The following PAPPA2 variants were observed in gnomAD, a reference collection of about 807,000 sequenced individuals.
PAPPA2 encodes the protein pappalysin 2.
PAPPA2 carries 86 observed loss-of-function variants against 176.4 expected under a neutral mutation model. The observed-to-expected ratio is 0.49, with a 90% CI of 0.41 to 0.58. PAPPA2 has a LOEUF of 0.58. Ranked by LOEUF, PAPPA2 falls within the 20% of genes least tolerant of loss-of-function variation. The pLI is 0.00. For missense variants in PAPPA2, 2,073 were observed against 2,256.9 expected (o/e 0.92, Z 1.65); for synonymous variants, 809 against 852.2 (o/e 0.95, Z 0.88).
intron 3 of PAPPA2, among the ~76,000 whole-genome samples, chr1:176,663,459 A>G (rs1325539610): frequency 3.3e-5 from 5 of 152,126 alleles, no homozygotes; most frequent in Non-Finnish European, 7.4e-5. Context: ...ATTTGAAGCC[A>G]TAGGTATTGT....
At chr1:176,482,532 G>T (rs1023450113) in intron 1 of PAPPA2, among the ~76,000 whole-genome samples, 2 of 152,134 alleles carry the variant, frequency 1.3e-5, no homozygotes, top group African/African-American at 4.8e-5. Flanking sequence ...GAAAAATGAG[G>T]TTTTTAATGT....
intron 3 of PAPPA2, among the ~76,000 whole-genome samples, chr1:176,634,728 A>T (rs1397318214): frequency 1.3e-5 from 2 of 151,958 alleles, no homozygotes; most frequent in East Asian, 3.9e-4. Flanking sequence ...GGGAAAAGAT[A>T]AATTCTAGAG....
intron 3 of PAPPA2, among the ~76,000 whole-genome samples, chr1:176,639,703 T>A (rs533009637): frequency 6.6e-6 from 1 of 151,026 alleles, no homozygotes; most frequent in South Asian, 2.1e-4. Flanking sequence ...CCCATTTTCT[T>A]TTTTTCTTTT....
rs1322255928 is a variant in PAPPA2, at chr1:176,627,218, A to G, written c.1991+31623A>G. Among the ~76,000 whole-genome samples the G allele has an allele frequency of 3.3e-5, 5 of 152,326 alleles. No homozygotes were observed. In the East Asian group the frequency reaches 9.6e-4, roughly 29 times the overall value. On this transcript the variant is annotated intron_variant, in intron 3 of 22. Coordinates refer to ENST00000367662, the MANE Select transcript of PAPPA2 (RefSeq NM_020318.3). Reference sequence around the variant, plus strand: ...TAGCTATACAGACTTGATAACATTCATATGTGTCCACTGGTTTGGCATCAA... The same window carrying G: ...TAGCTATACAGACTTGATAACATTCGTATGTGTCCACTGGTTTGGCATCAA...
chr1:176,683,047 T>C (rs1188855154), intron 4 of PAPPA2, among the ~76,000 whole-genome samples: 4 of 150,640 alleles, frequency 2.7e-5, no homozygotes, highest in Non-Finnish European at 5.9e-5. Flanking sequence ...TATTTATTTA[T>C]TTATTTATTT....
chr1:176,629,054 G>C (rs1023042468), intron 3 of PAPPA2, among the ~76,000 whole-genome samples: 1 of 152,168 alleles, frequency 6.6e-6, no homozygotes, highest in African/African-American at 2.4e-5. Flanking sequence ...TTTTCTCAGA[G>C]AGAGACATTT....
intron 10 of PAPPA2, among the ~76,000 whole-genome samples, chr1:176,709,063 T>C (rs1661022679): frequency 6.6e-6 from 1 of 152,206 alleles, no homozygotes; most frequent in African/African-American, 2.4e-5. Flanking sequence ...TGTGTCTATG[T>C]ATCTATAAAG....
intron 2 of PAPPA2, among the ~76,000 whole-genome samples, chr1:176,579,771 T>A (rs1652858015): frequency 6.6e-6 from 1 of 152,224 alleles, no homozygotes. Flanking sequence ...AGATGGTGGA[T>A]GACTTGCTCA....
At chr1:176,772,836 C>A (rs1269149182) in intron 17 of PAPPA2, among the ~76,000 whole-genome samples, 1 of 152,134 alleles carries the variant, frequency 6.6e-6, no homozygotes, top group African/African-American at 2.4e-5. Flanking sequence ...ACCCTGAAGG[C>A]TGCTGTTTTC....
intron 12 of PAPPA2, among the ~76,000 whole-genome samples, chr1:176,730,590 T>C (rs1452116842): frequency 7.1e-6 from 1 of 141,226 alleles, no homozygotes; most frequent in Non-Finnish European, 1.5e-5. Context: ...GTTCTCGTTT[T>C]TGTTTTTTGT....
chr1:176,614,748 T>A (rs1333470792), intron 3 of PAPPA2, among the ~76,000 whole-genome samples: 2 of 152,192 alleles, frequency 1.3e-5, no homozygotes, highest in Admixed American at 6.5e-5. Context: ...GACAAATTAT[T>A]TCTCCCACAG....
intron 21 of PAPPA2, among the ~76,000 whole-genome samples, chr1:176,819,969 C>T (rs1295823158): frequency 1.3e-5 from 2 of 152,178 alleles, no homozygotes; most frequent in African/African-American, 4.8e-5. Context: ...AACCCCCCAG[C>T]ACCAGCTGAG....
chr1:176,671,108 T>C lies in PAPPA2; in HGVS notation c.2130T>C (p.Thr710=). 6.2e-7 allele frequency: 1 copy of C among 1,613,700 alleles called. No individual in the cohort carries two copies. The highest frequency in any genetic ancestry group is 8.5e-7 in the Non-Finnish European group (1 of 1,179,794). Residue 710 remains threonine, a synonymous_variant, in exon 4 of 23, where the codon ACT becomes ACC. Transcript: ENST00000367662. ...GGCCTTGGGACAAGGACGCTGTCAC[T>C]CACCTGGGTAAGTGAAATGAAGACC... The part of the protein sequence containing the change: ...ATWPWDKDAV[T]HLGGIVLSPA...
intron 1 of PAPPA2, among the ~76,000 whole-genome samples, chr1:176,530,601 T>C (rs1261571582): frequency 2.3e-5 from 3 of 131,790 alleles, no homozygotes; most frequent in African/African-American, 9.7e-5. Context: ...ATTCATCTCA[T>C]GCAAAAAAAA....
At chr1:176,600,789 G>A (rs1195494497) in intron 3 of PAPPA2, among the ~76,000 whole-genome samples, 2 of 152,046 alleles carry the variant, frequency 1.3e-5, no homozygotes, top group Non-Finnish European at 1.5e-5. Flanking sequence ...ATTGAGTGGA[G>A]TGCTCCAGGC....
chr1:176,781,362 G>C lies in PAPPA2; in HGVS notation c.4716-8447G>C, dbSNP rs1664706507. ...TTACATGTGAGAAGAGCTTTGTAAG[G>C]GGCTTTTTTTTTTTTTTTTTTTTTT... On this transcript the variant is annotated intron_variant, in intron 17 of 22. Transcript: ENST00000367662. Among the ~76,000 whole-genome samples the C allele has an allele frequency of 2.3e-5, 3 of 128,234 alleles. No homozygotes were observed. The South Asian group carries it at 8.1e-4, about 34-fold the overall frequency. The allele number at this position is 128,234 out of a possible 152,430, so 84.1% of individuals were successfully genotyped here.
intron 3 of PAPPA2, among the ~76,000 whole-genome samples, chr1:176,637,221 C>A (rs1014135075): frequency 1.3e-5 from 2 of 151,880 alleles, no homozygotes; most frequent in African/African-American, 4.8e-5. Context: ...GGCTGAAGAG[C>A]AAGAACATAA....
chr1:176,825,867 C>T (rs924524401), intron 21 of PAPPA2, among the ~76,000 whole-genome samples: 1 of 152,194 alleles, frequency 6.6e-6, no homozygotes, highest in Non-Finnish European at 1.5e-5. Context: ...TCCACCCTCA[C>T]AGACAGAGAA....
At chr1:176,517,949 A>G (rs1649006254) in intron 1 of PAPPA2, among the ~76,000 whole-genome samples, 1 of 152,164 alleles carries the variant, frequency 6.6e-6, no homozygotes, top group Non-Finnish European at 1.5e-5. Context: ...AGAGGACCTC[A>G]GGAAGAACCA....
Sources: allele counts gnomAD v4.1 joint callset (sites outside exome capture counted in the v4.1 genomes callset), GRCh38; gene constraint gnomAD v4.1.1; transcripts MANE v1.5; gene names NCBI Gene and HGNC (gene_info 2026-07-23, HGNC 2026-07-21).